VTI1A: variants seen among roughly 807,000 people sequenced by gnomAD.
VTI1A encodes vesicle transport through interaction with t-SNAREs 1A.
VTI1A carries 22 observed loss-of-function variants against 34.9 expected under a neutral mutation model. The observed-to-expected ratio is 0.63, with a 90% confidence interval of 0.45 to 0.90. The LOEUF (loss-of-function observed/expected upper bound fraction) is 0.90. Among genes scored for constraint, VTI1A ranks in the 40% least tolerant of loss-of-function variants. VTI1A has a pLI of 0.00. For synonymous variants in VTI1A, 87 were observed against 97.3 expected (o/e 0.89, Z 0.62); for missense variants, 268 against 275.6 (o/e 0.97, Z 0.20).
chr10:112,628,412 G>A lies in VTI1A; in HGVS notation c.428-39806G>A, dbSNP rs536685069. Among the ~76,000 whole-genome samples the A allele has an allele frequency of 4.6e-5, 7 of 152,246 alleles. No individual in the cohort carries two copies. In the East Asian group the frequency reaches 9.7e-4, roughly 21 times the overall value. On this transcript the variant is annotated intron_variant, in intron 5 of 7. Coordinates refer to ENST00000393077, the MANE Select transcript of VTI1A (RefSeq NM_145206.4). ...ACAGAGTCACCTATACAAGAATAAA[G>A]GAACCAGGACCTTGGGATGCAAACA...
intron 3 of VTI1A, among the ~76,000 whole-genome samples, chr10:112,487,713 C>T (rs999324516): frequency 6.6e-6 from 1 of 152,130 alleles, no homozygotes; most frequent in Non-Finnish European, 1.5e-5. Flanking sequence ...ACTCAAAAAT[C>T]ATTACTCCAA....
intron 7 of VTI1A, among the ~76,000 whole-genome samples, chr10:112,799,661 T>A (rs1852805458): frequency 6.6e-6 from 1 of 152,178 alleles, no homozygotes; most frequent in Admixed American, 6.5e-5. Context: ...GGCTCTGTTA[T>A]CTGATCGTTA....
At chr10:112,677,697 C>T (rs1297430672) in intron 7 of VTI1A, 2 of 152,266 alleles carry the variant, frequency 1.3e-5, no homozygotes, top group Admixed American at 6.5e-5. Context: ...AAAGCTAAAG[C>T]AGCCTTAGTC....
intron 7 of VTI1A, among the ~76,000 whole-genome samples, chr10:112,775,862 C>T (rs1028800370): frequency 5.3e-5 from 8 of 152,272 alleles, no homozygotes; most frequent in African/African-American, 1.7e-4. Context: ...GATACTTTTG[C>T]GATAGTCAAT....
At chr10:112,572,842 C>CAAAAAAAAA (rs35922968) in intron 5 of VTI1A, among the ~76,000 whole-genome samples, 2 of 131,910 alleles carry the variant, frequency 1.5e-5, no homozygotes, top group Admixed American at 7.5e-5. Flanking sequence ...CCGTCTCAAC[C>CAAAAAAAAA]AAAAAAAAAA....
the VTI1A span, among the ~76,000 whole-genome samples, chr10:112,834,736 T>C: frequency 1.3e-5 from 2 of 152,356 alleles, no homozygotes; most frequent in South Asian, 4.1e-4. Context: ...CTCGCTCCCC[T>C]GGCTCTCTGA....
intron 6 of VTI1A, 67 bp downstream of exon 6, chr10:112,668,355 A>T: frequency 6.6e-7 from 1 of 1,512,090 alleles, no homozygotes; most frequent in East Asian, 2.3e-5. Context: ...AGGCATTGGG[A>T]CATAAACAAT....
chr10:112,656,190 G>A (rs990206225), intron 5 of VTI1A, among the ~76,000 whole-genome samples: 8 of 152,096 alleles, frequency 5.3e-5, no homozygotes, highest in African/African-American at 1.7e-4. Flanking sequence ...TCGAGGAGAG[G>A]GTTTGTTGCA....
intron 7 of VTI1A, among the ~76,000 whole-genome samples, chr10:112,715,458 T>C (rs143989783): frequency 6.6e-6 from 1 of 152,310 alleles, no homozygotes; most frequent in Non-Finnish European, 1.5e-5. Flanking sequence ...AATGAAGTTA[T>C]GAAACTGAGA....
chr10:112,766,233 G>C (rs570146617), intron 7 of VTI1A, among the ~76,000 whole-genome samples: 1 of 152,162 alleles, frequency 6.6e-6, no homozygotes, highest in Non-Finnish European at 1.5e-5. Flanking sequence ...AGAAACACAA[G>C]TCAAAGTTTA....
At chr10:112,529,230 G>A (rs747372455) in intron 4 of VTI1A, among the ~76,000 whole-genome samples, 10 of 152,096 alleles carry the variant, frequency 6.6e-5, no homozygotes, top group Non-Finnish European at 1.2e-4. Context: ...TGATTGAGGT[G>A]TAAAAGTTCA....
intron 5 of VTI1A, among the ~76,000 whole-genome samples, chr10:112,553,479 G>A (rs137874389): frequency 7.9e-5 from 12 of 152,316 alleles, no homozygotes; most frequent in African/African-American, 2.2e-4. Flanking sequence ...GCATAGTAAC[G>A]CTAGCTGCTG....
intron 7 of VTI1A, among the ~76,000 whole-genome samples, chr10:112,762,954 A>G (rs901980576): frequency 1.3e-5 from 2 of 152,108 alleles, no homozygotes; most frequent in African/African-American, 4.8e-5. Flanking sequence ...TATATATATA[A>G]CAAGAGCCAC....
intron 5 of VTI1A, among the ~76,000 whole-genome samples, chr10:112,603,220 A>AT (rs1206429310): frequency 2.0e-5 from 3 of 152,230 alleles, no homozygotes; most frequent in Non-Finnish European, 4.4e-5. Context: ...AAGCATGAGT[A>AT]TAACAAGCTA....
chr10:112,645,054 TATA>T (rs1339332474), intron 5 of VTI1A, among the ~76,000 whole-genome samples: 2 of 152,246 alleles, frequency 1.3e-5, no homozygotes, highest in Non-Finnish European at 2.9e-5. Flanking sequence ...AAGTAGATTT[TATA>T]ATGTTAACTG....
At chr10:112,608,108 C>T (rs1589967770) in intron 5 of VTI1A, among the ~76,000 whole-genome samples, 1 of 152,182 alleles carries the variant, frequency 6.6e-6, no homozygotes, top group African/African-American at 2.4e-5. Flanking sequence ...GGGCTGGCTA[C>T]CACAGAACTC....
At chr10:112,705,725 G>A (rs1021715668) in intron 7 of VTI1A, among the ~76,000 whole-genome samples, 14 of 152,130 alleles carry the variant, frequency 9.2e-5, no homozygotes, top group South Asian at 6.2e-4. Context: ...ATCAGAATCC[G>A]TGTGGACTGA....
At chr10:112,519,909 C>T (rs777305126) in intron 3 of VTI1A, among the ~76,000 whole-genome samples, 20 of 151,944 alleles carry the variant, frequency 1.3e-4, no homozygotes, top group Non-Finnish European at 1.9e-4. Flanking sequence ...CTTTTCCTTC[C>T]CAATGCTAGG....
At chr10:112,524,622 A>T (rs1850153402) in intron 3 of VTI1A, among the ~76,000 whole-genome samples, 1 of 152,152 alleles carries the variant, frequency 6.6e-6, no homozygotes, top group African/African-American at 2.4e-5. Flanking sequence ...TTCTAACCAA[A>T]ACAAGATTCG....
Sources: allele counts gnomAD v4.1 joint callset (sites outside exome capture counted in the v4.1 genomes callset), GRCh38; gene constraint gnomAD v4.1.1; transcripts MANE v1.5; gene names NCBI Gene and HGNC (gene_info 2026-07-23, HGNC 2026-07-21).